Variants in PDZD2 observed in about 807,000 individuals in gnomAD.
The protein encoded by PDZD2 is PDZ domain containing 2, also known as PDZ domain-containing protein 2.
PDZD2 carries 90 observed loss-of-function variants against 220.7 expected under a neutral mutation model. The observed-to-expected ratio is 0.41, with a 90% CI of 0.34 to 0.49. The LOEUF is 0.49. Among genes scored for constraint, PDZD2 ranks in the 20% least tolerant of loss-of-function variants. The pLI, the probability that PDZD2 is intolerant of heterozygous loss-of-function variation, is 0.28. For missense variants in PDZD2, 3,174 were observed against 3,608.5 expected, an observed-to-expected ratio of 0.88 and a Z score of 3.08; for synonymous variants, 1,375 against 1,450.5, an observed-to-expected ratio of 0.95 and a Z score of 1.18.
chr5:31,949,097 CAAAAAAAAAAAAA>C (rs34780210), intron 2 of PDZD2, among the ~76,000 whole-genome samples: 19 of 54,990 alleles, frequency 3.5e-4, no homozygotes, highest in South Asian at 1.0e-3. Flanking sequence ...GACTCTGTCT[CAAAAAAAAAAAAA>C]AAAAAAAAAA....
At chr5:31,869,538 TG>T (rs574138230) in intron 2 of PDZD2, among the ~76,000 whole-genome samples, 11 of 151,602 alleles carry the variant, frequency 7.3e-5, no homozygotes, top group African/African-American at 2.7e-4. Flanking sequence ...CACTCCAGCC[TG>T]GGCGACAGAG....
chr5:31,782,707 ATTTTTT>A (rs34166035), intron 1 of PDZD2, among the ~76,000 whole-genome samples: 1 of 96,518 alleles, frequency 1.0e-5, no homozygotes, highest in Non-Finnish European at 1.9e-5. Context: ...ACCACTTTAG[ATTTTTT>A]TTTTTTTTTT....
At chr5:32,075,174 G>A (rs1260987186) in intron 18 of PDZD2, among the ~76,000 whole-genome samples, 1 of 152,162 alleles carries the variant, frequency 6.6e-6, no homozygotes, top group Admixed American at 6.5e-5. Context: ...AGATACTATA[G>A]AATCTCTGTC....
At chr5:31,785,149 A>T (rs1219983537) in intron 1 of PDZD2, among the ~76,000 whole-genome samples, 1 of 152,082 alleles carries the variant, frequency 6.6e-6, no homozygotes, top group Non-Finnish European at 1.5e-5. Flanking sequence ...CTGCCCACTT[A>T]GTAATTGTCT....
At chr5:31,694,257 T>C (rs1747269062) in intron 1 of PDZD2, among the ~76,000 whole-genome samples, 2 of 152,196 alleles carry the variant, frequency 1.3e-5, no homozygotes, top group Admixed American at 6.5e-5. Context: ...CCGGGCGTGG[T>C]GGCCAGTGCC....
At chr5:32,026,213 T>G (rs1463075059) in intron 6 of PDZD2, among the ~76,000 whole-genome samples, 1 of 151,316 alleles carries the variant, frequency 6.6e-6, no homozygotes, top group East Asian at 2.0e-4. Flanking sequence ...CTTGGCTCAC[T>G]ACAACCTCCA....
intron 2 of PDZD2, among the ~76,000 whole-genome samples, chr5:31,802,447 G>A (rs17507185): frequency 0.084 from 12,805 of 152,194 alleles, 672 homozygotes; most frequent in Non-Finnish European, 0.13. Flanking sequence ...TGGGCACTCC[G>A]AAAGAAATGC....
At chr5:32,063,006 T>G (rs181606374) in intron 14 of PDZD2, among the ~76,000 whole-genome samples, 1 of 142,768 alleles carries the variant, frequency 7.0e-6, no homozygotes, top group Admixed American at 7.0e-5. Flanking sequence ...GATACCCATA[T>G]AGTCTTCTGT....
intron 2 of PDZD2, among the ~76,000 whole-genome samples, chr5:31,891,425 C>T (rs1381437923): frequency 6.6e-6 from 1 of 152,166 alleles, no homozygotes; most frequent in Non-Finnish European, 1.5e-5. Context: ...AAGTGATTCT[C>T]CTCCCTCAGC....
chr5:31,871,374 G>A (rs933229860), intron 2 of PDZD2, among the ~76,000 whole-genome samples: 4 of 152,150 alleles, frequency 2.6e-5, no homozygotes, highest in Non-Finnish European at 4.4e-5. Context: ...TTTATAGAAA[G>A]TGCATGTCAA....
At chr5:32,023,299 C>A (rs1376378935) in intron 6 of PDZD2, among the ~76,000 whole-genome samples, 1 of 152,178 alleles carries the variant, frequency 6.6e-6, no homozygotes, top group African/African-American at 2.4e-5. Flanking sequence ...GAACTCTCCA[C>A]TGAGGTCCCC....
At chr5:31,739,944 A>T (rs1261499157) in intron 1 of PDZD2, among the ~76,000 whole-genome samples, 1 of 151,976 alleles carries the variant, frequency 6.6e-6, no homozygotes, top group Admixed American at 6.6e-5. Context: ...GCTTTGGCCA[A>T]CTTTCTCAAA....
chr5:31,689,809 C>G (rs899627269), intron 1 of PDZD2, among the ~76,000 whole-genome samples: 1 of 152,074 alleles, frequency 6.6e-6, no homozygotes, highest in African/African-American at 2.4e-5. Flanking sequence ...TCCAGTTTCC[C>G]ATAATTTCTG....
At chr5:31,964,971 C>A (rs1487092909) in intron 2 of PDZD2, among the ~76,000 whole-genome samples, 1 of 152,172 alleles carries the variant, frequency 6.6e-6, no homozygotes, top group Non-Finnish European at 1.5e-5. Context: ...ATCCGCCCAC[C>A]TCCGCTTCCC....
chr5:31,734,735 G>T (rs558225773), intron 1 of PDZD2, among the ~76,000 whole-genome samples: 3 of 152,046 alleles, frequency 2.0e-5, no homozygotes, highest in Non-Finnish European at 4.4e-5. Context: ...TTGGGAAATG[G>T]GGCTGAAAGT....
chr5:31,912,525 C>G (rs1324249450), intron 2 of PDZD2, among the ~76,000 whole-genome samples: 3 of 152,168 alleles, frequency 2.0e-5, no homozygotes, highest in Non-Finnish European at 4.4e-5. Flanking sequence ...GCCTCATTCT[C>G]TAGTGCTTTG....
chr5:31,664,978 T>C (rs1422125421), intron 1 of PDZD2: 2 of 152,200 alleles, frequency 1.3e-5, no homozygotes, highest in Non-Finnish European at 2.9e-5. Context: ...CAAATAGCCC[T>C]GCTCAGATGC....
chr5:31,664,526 A>G (rs1745907093), intron 1 of PDZD2, among the ~76,000 whole-genome samples: 1 of 152,000 alleles, frequency 6.6e-6, no homozygotes, highest in Admixed American at 6.6e-5. Context: ...AAATACATGC[A>G]CACACACACT....
At chr5:31,776,706 T>C (rs879638095) in intron 1 of PDZD2, among the ~76,000 whole-genome samples, 8 of 151,732 alleles carry the variant, frequency 5.3e-5, no homozygotes, top group Non-Finnish European at 1.0e-4. Context: ...TGGAGTGCAG[T>C]AGTGCAGTCT....
Sources: gnomAD v4.1 joint callset for allele counts (sites outside exome capture counted in the v4.1 genomes callset) on GRCh38, gnomAD v4.1.1 for gene constraint, MANE v1.5 for transcripts, NCBI Gene and HGNC (gene_info 2026-07-23, HGNC 2026-07-21) for gene names.